CMIP: variants seen among roughly 807,000 people sequenced by gnomAD.
The protein encoded by CMIP is C-Maf-inducing protein.
In CMIP, 13 loss-of-function variants were observed where a neutral mutation model predicts 97.3. That is an observed-to-expected ratio of 0.13 (90% CI 0.09 to 0.21). CMIP has a LOEUF of 0.21. Ranked by LOEUF, CMIP falls within the 10% of genes least tolerant of loss-of-function variation. The pLI, the probability that CMIP is intolerant of heterozygous loss-of-function variation, is 1.00. For missense variants in CMIP, 847 were observed against 1,024.9 expected, an observed-to-expected ratio of 0.83 and a Z score of 2.37; for synonymous variants, 538 against 436.3, an observed-to-expected ratio of 1.23 and a Z score of -2.91.
chr16:81,463,552 A>G (rs540209546), intron 1 of CMIP, among the ~76,000 whole-genome samples: 3 of 152,176 alleles, frequency 2.0e-5, no homozygotes, highest in South Asian at 4.2e-4. Context: ...CTCCCTGAGG[A>G]TTTTGTAGGA....
chr16:81,554,735 G>A (rs2090727585), intron 1 of CMIP, among the ~76,000 whole-genome samples: 1 of 152,120 alleles, frequency 6.6e-6, no homozygotes, highest in African/African-American at 2.4e-5. Context: ...ATTCTTCTCT[G>A]GGCCTCAGTT....
Position 81,652,319 on chromosome 16 carries a change from C to T in CMIP, c.594C>T (p.Ser198=), listed in dbSNP as rs1304629674. The change falls in exon 4 of 21, where the codon TCC becomes TCT. Residue 198 remains serine (S), a synonymous_variant. Transcript: ENST00000537098. This position sits in a 1 kb window ranked among gnomAD's most constrained non-coding sequence, Gnocchi z 5.2. The stretch of plus-strand genomic sequence containing the variant: ...TGACATCCCCCCTGCAGGATGACTC[C>T]ATCAACCAGGCCCCACTGGAAATCG... The part of the protein sequence containing the change: ...MALTSPLQDD[S]INQAPLEIVS... The T allele has an allele frequency of 6.2e-7, 1 of 1,613,950 alleles. No homozygotes were observed. Among genetic ancestry groups the T allele is most frequent in the Admixed American group, 1.7e-5 (1 of 60,026 alleles).
chr16:81,476,474 G>A, intron 1 of CMIP: 1 of 779,318 alleles, frequency 1.3e-6, no homozygotes, highest in South Asian at 1.3e-5. Flanking sequence ...CGGCCCAAGG[G>A]CTCGCCGTTG....
intron 10 of CMIP, among the ~76,000 whole-genome samples, chr16:81,689,475 C>G (rs1056688063): frequency 7.9e-5 from 12 of 152,214 alleles, no homozygotes; most frequent in Non-Finnish European, 1.2e-4. Flanking sequence ...AGTGTCTGTT[C>G]ATATCCTTCG....
At chr16:81,447,924 G>A (rs1202422780) in intron 1 of CMIP, among the ~76,000 whole-genome samples, 1 of 152,218 alleles carries the variant, frequency 6.6e-6, no homozygotes, top group East Asian at 1.9e-4. Context: ...TGGTGTCCAG[G>A]CTCTCGGGGA....
At chr16:81,542,604 TTTA>T (rs931215084) in intron 1 of CMIP, among the ~76,000 whole-genome samples, 2 of 152,124 alleles carry the variant, frequency 1.3e-5, no homozygotes, top group African/African-American at 4.8e-5. Flanking sequence ...ACCACAGGCA[TTTA>T]TTGTTTCAGA....
intron 1 of CMIP, among the ~76,000 whole-genome samples, chr16:81,474,721 C>T (rs1484129145): frequency 6.6e-6 from 1 of 152,240 alleles, no homozygotes; most frequent in African/African-American, 2.4e-5. Flanking sequence ...CTCATGGCGC[C>T]CTCCTCCTGG....
intron 1 of CMIP, among the ~76,000 whole-genome samples, chr16:81,486,770 C>T (rs1362351092): frequency 6.6e-6 from 1 of 152,268 alleles, no homozygotes; most frequent in Non-Finnish European, 1.5e-5. Context: ...GATGTCCTGG[C>T]CAAAGCCAGC....
chr16:81,664,371 C>G (rs1419961202), intron 7 of CMIP, 22 bp downstream of exon 7: 6 of 1,572,318 alleles, frequency 3.8e-6, no homozygotes, highest in Middle Eastern at 1.8e-4. Flanking sequence ...TGCCCCAACA[C>G]CCAGACCCCA....
intron 10 of CMIP, among the ~76,000 whole-genome samples, chr16:81,680,802 T>G (rs1218069499): frequency 1.3e-5 from 2 of 152,112 alleles, no homozygotes; most frequent in Non-Finnish European, 2.9e-5. Flanking sequence ...GGCCAGAGAG[T>G]GGCCCCGCTG....
At chr16:81,573,521 A>G (rs987562165) in intron 1 of CMIP, among the ~76,000 whole-genome samples, 3 of 152,176 alleles carry the variant, frequency 2.0e-5, no homozygotes, top group Non-Finnish European at 4.4e-5. Flanking sequence ...CAGGAGACTG[A>G]GGACATCGAA....
chr16:81,698,428 C>A (rs1193626952), intron 14 of CMIP, among the ~76,000 whole-genome samples: 2 of 152,182 alleles, frequency 1.3e-5, no homozygotes, highest in Non-Finnish European at 2.9e-5. Context: ...CCCAAAACAC[C>A]CTTCCGAGCT....
intron 1 of CMIP, among the ~76,000 whole-genome samples, chr16:81,532,645 C>G (rs2150825194): frequency 6.6e-6 from 1 of 152,312 alleles, no homozygotes; most frequent in South Asian, 2.1e-4. Context: ...GGAGACCCAC[C>G]TGGTGCCAGG....
intron 1 of CMIP, among the ~76,000 whole-genome samples, chr16:81,513,623 C>T (rs970285120): frequency 4.6e-5 from 7 of 152,196 alleles, no homozygotes; most frequent in African/African-American, 1.7e-4. Context: ...CCCCCCGGTC[C>T]GTTCTGGCCT....
At chr16:81,601,937 C>G (rs1407362977) in intron 1 of CMIP, among the ~76,000 whole-genome samples, 1 of 152,230 alleles carries the variant, frequency 6.6e-6, no homozygotes, top group Non-Finnish European at 1.5e-5. Flanking sequence ...CTCCGGTTCC[C>G]TTTAATATCC....
chr16:81,571,207 A>G (rs2091081334), intron 1 of CMIP, among the ~76,000 whole-genome samples: 1 of 152,174 alleles, frequency 6.6e-6, no homozygotes, highest in Admixed American at 6.5e-5. Context: ...GCAGTGACTC[A>G]TGCCTACAAT....
Position 81,657,798 on chromosome 16 carries a change from G to C in CMIP, c.663G>C (p.Glu221Asp). The C allele has an allele frequency of 1.2e-6, 2 of 1,608,586 alleles. No homozygotes were observed. Among genetic ancestry groups the C allele is most frequent in the Non-Finnish European group, 1.7e-6 (2 of 1,177,582 alleles). Residue 221 changes from glutamate to aspartate, a missense_variant, in exon 5 of 21, where the codon GAG becomes GAC. Around this residue, in one of 4 missense-constraint regions of CMIP, gnomAD observed 285 missense variants for 392.2 expected, o/e 0.73. Coordinates refer to ENST00000537098, the MANE Select transcript of CMIP (RefSeq NM_198390.3). ...AGAACACAAACTTGACCACCCAGGA[G>C]CATGAAAACATCATTGTGGTAAGTT... ...LSENTNLTTQ[E>D]HENIIVAIAP...
At chr16:81,486,926 C>T (rs796742600) in intron 1 of CMIP, among the ~76,000 whole-genome samples, 37 of 152,384 alleles carry the variant, frequency 2.4e-4, no homozygotes, top group African/African-American at 6.3e-4. Context: ...CCATACTCCC[C>T]GGCCTCCTGG....
chr16:81,667,735 C>G (rs1008665716), intron 7 of CMIP, among the ~76,000 whole-genome samples: 5 of 132,612 alleles, frequency 3.8e-5, no homozygotes, highest in African/African-American at 5.6e-5. Context: ...GCCTCATTTT[C>G]TAACCCAGGA....
Sources: gnomAD v4.1 joint callset for allele counts (sites outside exome capture counted in the v4.1 genomes callset) on GRCh38, gnomAD v4.1.1 for gene constraint, gnomAD v4.1.1 regional missense constraint, Gnocchi (gnomAD v3.1) non-coding constraint, MANE v1.5 for transcripts, NCBI Gene and HGNC (gene_info 2026-07-23, HGNC 2026-07-21) for gene names.